Variants in PCDHA8 observed in about 807,000 individuals in gnomAD.
PCDHA8 encodes protocadherin alpha 8, also known as protocadherin alpha-8.
In PCDHA8, 53 loss-of-function variants were observed where a neutral mutation model predicts 61.8. The ratio of observed to expected loss-of-function variants is 0.86; its 90% CI spans 0.69 to 1.08. PCDHA8 has a LOEUF of 1.08. Ranked by LOEUF, PCDHA8 falls within the 50% of genes least tolerant of loss-of-function variation. The pLI is 0.00. For missense variants in PCDHA8, 1,293 were observed against 1,245.0 expected, an observed-to-expected ratio of 1.04 and a Z score of -0.58; for synonymous variants, 618 against 556.6, an observed-to-expected ratio of 1.11 and a Z score of -1.55.
intron 1 of PCDHA8, among the ~76,000 whole-genome samples, chr5:140,878,731 A>T (rs1037542413): frequency 1.3e-5 from 2 of 152,252 alleles, no homozygotes; most frequent in Admixed American, 6.5e-5. Context: ...TTCCAGCCTT[A>T]TATCTACTTT....
At chr5:140,934,899 T>G (rs1320708660) in intron 1 of PCDHA8, among the ~76,000 whole-genome samples, 2 of 152,184 alleles carry the variant, frequency 1.3e-5, no homozygotes, top group Non-Finnish European at 2.9e-5. Flanking sequence ...AACCTTTTAT[T>G]TTGGAATAAT....
At chr5:140,918,313 T>C (rs1406314903) in intron 1 of PCDHA8, among the ~76,000 whole-genome samples, 3 of 152,146 alleles carry the variant, frequency 2.0e-5, no homozygotes, top group African/African-American at 7.2e-5. Context: ...GTTTTCTAGG[T>C]ATAAAATTAT....
At chr5:140,967,919 G>A (rs1554230110) in intron 1 of PCDHA8, 1 of 1,614,212 alleles carries the variant, frequency 6.2e-7, no homozygotes, top group South Asian at 1.1e-5. Flanking sequence ...CACCATTGTG[G>A]CCGTTCTCAG....
intron 1 of PCDHA8, chr5:140,861,573 G>T: frequency 2.7e-6 from 1 of 368,992 alleles, no homozygotes. Context: ...GCTGCTACAG[G>T]TTTTCCATGT....
chr5:140,856,236 TC>T (rs1554148438), intron 1 of PCDHA8: 2 of 1,597,912 alleles, frequency 1.3e-6, no homozygotes, highest in East Asian at 2.2e-5. Context: ...CAGCGCCTGT[TC>T]CGGGTGGCGT....
chr5:140,978,037 A>G (rs1260035731), intron 1 of PCDHA8, among the ~76,000 whole-genome samples: 12 of 152,322 alleles, frequency 7.9e-5, no homozygotes, highest in African/African-American at 2.4e-4. Flanking sequence ...GATACAAGAC[A>G]GTGATGGTGA....
chr5:140,866,357 A>G (rs1397788324), intron 1 of PCDHA8: 1 of 152,156 alleles, frequency 6.6e-6, no homozygotes, highest in Non-Finnish European at 1.5e-5. Flanking sequence ...AATGTTTACA[A>G]TATTGCATAC....
chr5:140,871,573 T>A (rs1554165748), intron 1 of PCDHA8: 1 of 1,477,842 alleles, frequency 6.8e-7, no homozygotes, highest in Non-Finnish European at 9.0e-7. Flanking sequence ...ACGGATTTTT[T>A]AAGGGAAAGT....
intron 1 of PCDHA8, among the ~76,000 whole-genome samples, chr5:140,889,581 T>C (rs566040851): frequency 3.0e-4 from 45 of 152,324 alleles, no homozygotes; most frequent in Non-Finnish European, 4.3e-4. Flanking sequence ...ATTTTTGTTT[T>C]TGCTTTGAAA....
intron 1 of PCDHA8, chr5:140,877,829 C>T (rs1554170159): frequency 1.9e-6 from 3 of 1,594,494 alleles, no homozygotes; most frequent in Non-Finnish European, 2.6e-6. Context: ...TGTTTAAATC[C>T]TCCCAGTGAA....
chr5:140,860,649 A>T (rs1256237065), intron 1 of PCDHA8: 2 of 152,282 alleles, frequency 1.3e-5, no homozygotes, highest in Non-Finnish European at 2.9e-5. Context: ...GAAGAAGATA[A>T]GTGAAATAAT....
intron 1 of PCDHA8, chr5:140,852,235 C>A: frequency 1.8e-6 from 1 of 570,324 alleles, no homozygotes; most frequent in Non-Finnish European, 2.3e-6. Flanking sequence ...TAAATTTTCC[C>A]TTAAAACACA....
chr5:140,869,043 A>G, intron 1 of PCDHA8: 2 of 1,530,132 alleles, frequency 1.3e-6, no homozygotes, highest in Non-Finnish European at 1.8e-6. Flanking sequence ...TTAACCTGAA[A>G]CTGAAGAATC....
intron 3 of PCDHA8, among the ~76,000 whole-genome samples, chr5:140,992,953 C>G (rs1377524442): frequency 5.9e-5 from 9 of 152,172 alleles, no homozygotes; most frequent in African/African-American, 2.2e-4. Flanking sequence ...ATTAAATCAC[C>G]CCTTATACTG....
chr5:140,880,090 G>A (rs977793027), intron 1 of PCDHA8, among the ~76,000 whole-genome samples: 3 of 152,136 alleles, frequency 2.0e-5, no homozygotes, highest in Admixed American at 2.0e-4. Context: ...ATTATAGTAG[G>A]CTTAAAATCA....
chr5:140,992,381 T>C (rs890804495), intron 3 of PCDHA8, among the ~76,000 whole-genome samples: 5 of 152,200 alleles, frequency 3.3e-5, no homozygotes, highest in Admixed American at 1.3e-4. Context: ...TACATTATTG[T>C]GTTCTGGACT....
chr5:140,858,025 G>A, intron 1 of PCDHA8: 1 of 1,596,948 alleles, frequency 6.3e-7, no homozygotes, highest in Non-Finnish European at 8.6e-7. Context: ...CGTCGCTGAC[G>A]GCCACGGCCA....
intron 1 of PCDHA8, among the ~76,000 whole-genome samples, chr5:140,976,505 C>T (rs538128648): frequency 3.3e-5 from 5 of 152,122 alleles, no homozygotes; most frequent in East Asian, 3.9e-4. Flanking sequence ...GAGCCAAGAT[C>T]GCGCCACTGC....
Position 141,010,405 on chromosome 5 carries a change from C to G in PCDHA8, c.*468C>G. On this transcript the variant is annotated 3_prime_UTR_variant, in exon 4 of 4. Transcript: ENST00000531613. ...ATTGGCTGAGACGAGCCAGCTTAGA[C>G]TAATTGGTACAAGGAAGGCAAGAAA... 1 of 1,260,098 alleles carries G rather than the reference C, an allele frequency of 7.9e-7. No homozygotes were observed. Among genetic ancestry groups the G allele is most frequent in the South Asian group, 1.6e-5 (1 of 64,208 alleles). 78.1% of individuals were successfully genotyped at this position (1,260,098 alleles called of 1,614,324 possible). A position where few individuals can be genotyped will look rare whatever the true frequency, so the allele number is the denominator to read the frequency against.
Sources: allele counts gnomAD v4.1 joint callset (sites outside exome capture counted in the v4.1 genomes callset), GRCh38; gene constraint gnomAD v4.1.1; transcripts MANE v1.5; gene names NCBI Gene and HGNC (gene_info 2026-07-23, HGNC 2026-07-21).